EHBP1: variants seen among roughly 807,000 people sequenced by gnomAD.
EHBP1 encodes the protein EH domain-binding protein 1.
In EHBP1, 55 loss-of-function variants were observed where a neutral mutation model predicts 144.0. The observed-to-expected ratio is 0.38, with a 90% confidence interval of 0.31 to 0.48. EHBP1 has a LOEUF of 0.48. EHBP1 is among the 20% of genes least tolerant of loss of function. The pLI, the probability that EHBP1 is intolerant of heterozygous loss-of-function variation, is 0.98. For missense variants in EHBP1, 1,200 were observed against 1,364.2 expected, an observed-to-expected ratio of 0.88 and a Z score of 1.90; for synonymous variants, 469 against 472.7, an observed-to-expected ratio of 0.99 and a Z score of 0.10.
chr2:62,987,894 A>C, intron 15 of EHBP1: 1 of 1,126,608 alleles, frequency 8.9e-7, no homozygotes, highest in Non-Finnish European at 1.3e-6. Context: ...ATAAAATATA[A>C]ATAATATACT....
intron 2 of EHBP1, among the ~76,000 whole-genome samples, chr2:62,740,293 T>A (rs2038579679): frequency 6.6e-6 from 1 of 152,192 alleles, no homozygotes; most frequent in South Asian, 2.1e-4. Flanking sequence ...TCCTTTATTT[T>A]TACAGAAAAG....
intron 2 of EHBP1, among the ~76,000 whole-genome samples, chr2:62,729,431 T>TAATAATAAA (rs1373760578): frequency 1.2e-5 from 1 of 84,500 alleles, no homozygotes; most frequent in Non-Finnish European, 2.2e-5. Flanking sequence ...TATAATATAA[T>TAATAATAAA]AATAATAAAT....
chr2:62,827,684 T>C (rs75163213), intron 6 of EHBP1, among the ~76,000 whole-genome samples: 2 of 152,174 alleles, frequency 1.3e-5, no homozygotes, highest in African/African-American at 4.8e-5. Flanking sequence ...TTTTTTTTTT[T>C]TGAGACAGAG....
intron 3 of EHBP1, among the ~76,000 whole-genome samples, chr2:62,762,539 A>G (rs1244110624): frequency 6.6e-6 from 1 of 152,176 alleles, no homozygotes; most frequent in African/African-American, 2.4e-5. Flanking sequence ...TGTCCTTTCT[A>G]TAGTCTTGCC....
intron 19 of EHBP1, among the ~76,000 whole-genome samples, chr2:63,018,062 G>T (rs2060557024): frequency 6.6e-6 from 1 of 152,150 alleles, no homozygotes; most frequent in Non-Finnish European, 1.5e-5. Flanking sequence ...CTACTCAAGA[G>T]GCTGAGGCAG....
intron 10 of EHBP1, among the ~76,000 whole-genome samples, chr2:62,876,423 C>G (rs1014546933): frequency 1.3e-5 from 2 of 152,136 alleles, no homozygotes; most frequent in African/African-American, 4.8e-5. Context: ...TTCAGAAAAG[C>G]AAATGCTAAG....
chr2:62,779,973 A>T (rs1038863354), intron 5 of EHBP1, among the ~76,000 whole-genome samples: 1 of 152,104 alleles, frequency 6.6e-6, no homozygotes, highest in African/African-American at 2.4e-5. Context: ...AGTACATTTC[A>T]GATATTATAT....
chr2:62,940,412 G>A (rs1372228021), intron 10 of EHBP1: 2 of 156,514 alleles, frequency 1.3e-5, no homozygotes, highest in African/African-American at 4.8e-5. Context: ...TGGGGAGAGT[G>A]AGGCAGATCT....
intron 15 of EHBP1, among the ~76,000 whole-genome samples, chr2:62,986,183 A>C (rs1191433545): frequency 6.6e-6 from 1 of 152,216 alleles, no homozygotes; most frequent in Non-Finnish European, 1.5e-5. Context: ...CACACAGGAA[A>C]TATTTGTTAG....
chr2:62,852,247 A>C (rs1324326830), intron 7 of EHBP1, among the ~76,000 whole-genome samples: 2 of 152,116 alleles, frequency 1.3e-5, no homozygotes, highest in Non-Finnish European at 2.9e-5. Flanking sequence ...GCACTGTGTA[A>C]ACATTTTTTG....
At chr2:62,752,029 T>G (rs1180905899) in intron 3 of EHBP1, among the ~76,000 whole-genome samples, 3 of 152,108 alleles carry the variant, frequency 2.0e-5, no homozygotes, top group African/African-American at 7.2e-5. Flanking sequence ...CTGCTAGCTT[T>G]TGAATGTGTT....
At chr2:62,960,866 A>G (rs997342291) in intron 14 of EHBP1, among the ~76,000 whole-genome samples, 7 of 152,212 alleles carry the variant, frequency 4.6e-5, no homozygotes, top group African/African-American at 1.7e-4. Context: ...ACTTAAGCTT[A>G]TATCATTCTT....
chr2:63,020,329 A>C (rs75742536), intron 19 of EHBP1, among the ~76,000 whole-genome samples: 1 of 149,480 alleles, frequency 6.7e-6, no homozygotes, highest in Admixed American at 6.7e-5. Context: ...GTCTCAAAAA[A>C]AAAAAAAAAA....
intron 10 of EHBP1, among the ~76,000 whole-genome samples, chr2:62,885,877 C>T (rs1435398597): frequency 6.6e-6 from 1 of 152,202 alleles, no homozygotes; most frequent in African/African-American, 2.4e-5. Flanking sequence ...CTTACTCCCT[C>T]TCTGAAAATG....
chr2:63,013,911 A>G (rs536939222), intron 19 of EHBP1, among the ~76,000 whole-genome samples: 1 of 152,246 alleles, frequency 6.6e-6, no homozygotes, highest in African/African-American at 2.4e-5. Context: ...ACTCCATAAT[A>G]TCAATGACAC....
At chr2:62,923,921 T>G (rs745541670) in intron 10 of EHBP1, among the ~76,000 whole-genome samples, 5 of 152,154 alleles carry the variant, frequency 3.3e-5, no homozygotes, top group Non-Finnish European at 7.4e-5. Context: ...CCACCTCCAG[T>G]GGACACATCA....
chr2:62,811,905 T>C (rs975127331), intron 5 of EHBP1, among the ~76,000 whole-genome samples: 24 of 152,210 alleles, frequency 1.6e-4, no homozygotes, highest in Non-Finnish European at 4.4e-5. Context: ...GGTTTGAATG[T>C]ATCCCCCAAA....
intron 10 of EHBP1, among the ~76,000 whole-genome samples, chr2:62,900,292 T>C (rs577869227): frequency 1.3e-5 from 2 of 152,242 alleles, no homozygotes; most frequent in Non-Finnish European, 2.9e-5. Context: ...ACAGGCTTTT[T>C]TGAAAAATGG....
chr2:62,865,884 T>A (rs1026779708), intron 9 of EHBP1, among the ~76,000 whole-genome samples: 2 of 152,102 alleles, frequency 1.3e-5, no homozygotes, highest in African/African-American at 4.8e-5. Flanking sequence ...GTGACCAGAA[T>A]TTGTAGAAGA....
Sources: allele counts gnomAD v4.1 joint callset (sites outside exome capture counted in the v4.1 genomes callset), GRCh38; gene constraint gnomAD v4.1.1; transcripts MANE v1.5; gene names NCBI Gene and HGNC (gene_info 2026-07-23, HGNC 2026-07-21).